COLEC10: variants seen among roughly 807,000 people sequenced by gnomAD.
COLEC10 encodes the protein collectin subfamily member 10, also known as collectin-10.
Under a neutral mutation model 28.4 loss-of-function variants are expected in COLEC10, and 22 were observed. That is an observed-to-expected ratio of 0.78 (90% CI 0.55 to 1.11). The LOEUF is 1.11. Among genes scored for constraint, COLEC10 ranks in the 50% least tolerant of loss-of-function variants. COLEC10 has a pLI of 0.00. For synonymous variants in COLEC10, 125 were observed against 116.1 expected, an observed-to-expected ratio of 1.08 and a Z score of -0.49; for missense variants, 361 against 344.1, an observed-to-expected ratio of 1.05 and a Z score of -0.39.
chr8:118,961,644 G>T, the COLEC10 span, among the ~76,000 whole-genome samples: 1 of 152,150 alleles, frequency 6.6e-6, no homozygotes, highest in Admixed American at 6.5e-5. Context: ...AGAGGAGCAG[G>T]GAGAGTCTGA....
chr8:118,984,728 G>A, the COLEC10 span, among the ~76,000 whole-genome samples: 7 of 152,014 alleles, frequency 4.6e-5, no homozygotes, highest in Non-Finnish European at 8.8e-5. Context: ...GGAAAGGGAG[G>A]TATATTAGTT....
chr8:119,022,389 A>G (rs1233815166), intron 2 of COLEC10, among the ~76,000 whole-genome samples: 1 of 152,146 alleles, frequency 6.6e-6, no homozygotes, highest in African/African-American at 2.4e-5. Context: ...AGCACCAAAG[A>G]TTTTTTAAAA....
At position 119,091,232 on chromosome 8, in the gene COLEC10, C is replaced by G. The variant is rs1458680851; in HGVS notation, c.292+12C>G. ...CATTGGGAAGAAGGGTAAGTTGCAT[C>G]TTACTATTCTCCAGTAGCAATTCAA... is the stretch of plus-strand genomic sequence containing the variant. On this transcript the variant is annotated intron_variant, in intron 3 of 5. Transcript: ENST00000332843. The G allele has an allele frequency of 6.2e-7, 1 of 1,604,168 alleles. No homozygotes were observed. Among genetic ancestry groups the G allele is most frequent in the East Asian group, 2.2e-5 (1 of 44,696 alleles).
chr8:119,073,997 C>CGTGTGT (rs1563735365), intron 1 of COLEC10, among the ~76,000 whole-genome samples: 1 of 151,232 alleles, frequency 6.6e-6, no homozygotes, highest in East Asian at 1.9e-4. Context: ...TATATACACA[C>CGTGTGT]ATATATATAC....
chr8:119,044,880 A>C (rs2130163003), intron 2 of COLEC10, among the ~76,000 whole-genome samples: 1 of 151,542 alleles, frequency 6.6e-6, no homozygotes, highest in South Asian at 2.1e-4. Context: ...GAGAGTTGAG[A>C]TGCAAGTGCA....
Position 119,102,506 on chromosome 8 carries a change from C to T in COLEC10, c.346+105C>T, listed in dbSNP as rs1210835219. On this transcript the variant is annotated intron_variant, in intron 4 of 5. Coordinates refer to ENST00000332843, the MANE Select transcript of COLEC10 (RefSeq NM_006438.5). ...GAAAAGCAAGAGTCCTTTTAGTATG[C>T]TTAACCTTATTTTCCTCAGGCTAGA... 3 of 943,832 alleles carry T rather than the reference C, an allele frequency of 3.2e-6. No homozygotes were observed. The African/African-American group carries it at 5.1e-5, about 16-fold the overall frequency. 58.5% of individuals were successfully genotyped at this position (943,832 alleles called of 1,614,324 possible). A position where few individuals can be genotyped will look rare whatever the true frequency, so the allele number is the denominator to read the frequency against.
the COLEC10 span, among the ~76,000 whole-genome samples, chr8:118,986,048 G>A: frequency 6.6e-6 from 1 of 152,104 alleles, no homozygotes; most frequent in Non-Finnish European, 1.5e-5. Context: ...AGACTCTCTA[G>A]TCATGATGAT....
chr8:119,030,683 T>C (rs762251981), intron 2 of COLEC10, among the ~76,000 whole-genome samples: 6 of 152,220 alleles, frequency 3.9e-5, no homozygotes, highest in Non-Finnish European at 7.3e-5. Context: ...AATGAGTCAA[T>C]GCATGCAGTG....
intron 2 of COLEC10, among the ~76,000 whole-genome samples, chr8:119,035,588 T>C (rs909378659): frequency 6.6e-6 from 1 of 152,212 alleles, no homozygotes; most frequent in Non-Finnish European, 1.5e-5. Context: ...ATTTTCTTCT[T>C]TGGTTCATCT....
intron 2 of COLEC10, among the ~76,000 whole-genome samples, chr8:119,050,974 T>C (rs1814663476): frequency 6.6e-6 from 1 of 152,146 alleles, no homozygotes; most frequent in Non-Finnish European, 1.5e-5. Flanking sequence ...CAGCTCAGGA[T>C]GTACTAGAGC....
chr8:118,966,596 G>T, the COLEC10 span, among the ~76,000 whole-genome samples: 1 of 151,760 alleles, frequency 6.6e-6, no homozygotes, highest in South Asian at 2.1e-4. Flanking sequence ...ATGAGAGCTT[G>T]CCTAAAGAAT....
intron 1 of COLEC10, among the ~76,000 whole-genome samples, chr8:118,996,124 G>A (rs907223164): frequency 1.1e-4 from 17 of 152,080 alleles, no homozygotes; most frequent in South Asian, 2.1e-4. Context: ...CATAAAAAAG[G>A]ATCATGCTGT....
intron 1 of COLEC10, among the ~76,000 whole-genome samples, chr8:118,999,593 T>TAAA (rs35277668): frequency 6.1e-4 from 84 of 136,668 alleles, no homozygotes; most frequent in African/African-American, 1.7e-3. Context: ...TCCATCTCAA[T>TAAA]AAAAAAAAAA....
chr8:119,025,388 T>G (rs1269690893), intron 2 of COLEC10, among the ~76,000 whole-genome samples: 1 of 152,172 alleles, frequency 6.6e-6, no homozygotes, highest in Non-Finnish European at 1.5e-5. Flanking sequence ...GGAGCACCAG[T>G]ATTTCAGAAA....
intron 3 of COLEC10, among the ~76,000 whole-genome samples, chr8:119,099,689 C>G (rs1815784870): frequency 6.6e-6 from 1 of 152,072 alleles, no homozygotes; most frequent in African/African-American, 2.4e-5. Flanking sequence ...AAAAAAAGAC[C>G]ACATAGCAAT....
At chr8:119,079,313 G>A (rs1362169960) in intron 1 of COLEC10, among the ~76,000 whole-genome samples, 2 of 152,144 alleles carry the variant, frequency 1.3e-5, no homozygotes, top group East Asian at 3.9e-4. Flanking sequence ...TTGCTGATGA[G>A]CAAACTGAGG....
chr8:118,987,646 G>A, the COLEC10 span, among the ~76,000 whole-genome samples: 1 of 151,982 alleles, frequency 6.6e-6, no homozygotes, highest in South Asian at 2.1e-4. Context: ...TATCTTCAAA[G>A]TGTTGAGAAA....
chr8:119,073,669 G>A (rs1197013585), intron 1 of COLEC10, among the ~76,000 whole-genome samples: 1 of 151,676 alleles, frequency 6.6e-6, no homozygotes, highest in African/African-American at 2.4e-5. Flanking sequence ...GGTCATGAAA[G>A]GAAGAATAAA....
chr8:118,956,925 C>T, the COLEC10 span, among the ~76,000 whole-genome samples: 1 of 152,114 alleles, frequency 6.6e-6, no homozygotes, highest in Non-Finnish European at 1.5e-5. Flanking sequence ...CCAACTGGAA[C>T]TAAAATAAAT....
Sources: gnomAD v4.1 joint callset for allele counts (sites outside exome capture counted in the v4.1 genomes callset) on GRCh38, gnomAD v4.1.1 for gene constraint, MANE v1.5 for transcripts, NCBI Gene and HGNC (gene_info 2026-07-23, HGNC 2026-07-21) for gene names.